The following RIMS1 variants were observed in gnomAD, a reference collection of about 807,000 sequenced individuals.
RIMS1 encodes the protein regulating synaptic membrane exocytosis 1, also known as regulating synaptic membrane exocytosis protein 1.
A neutral mutation model predicts 214.1 loss-of-function variants in RIMS1; 83 were observed. The observed-to-expected ratio is 0.39, with a 90% CI of 0.32 to 0.47. The LOEUF (loss-of-function observed/expected upper bound fraction) is 0.47, where lower values mean the gene tolerates loss of function less well. Among genes scored for constraint, RIMS1 ranks in the 20% least tolerant of loss-of-function variants. The pLI is 0.99. For synonymous variants in RIMS1, 793 were observed against 786.8 expected, an observed-to-expected ratio of 1.01 and a Z score of -0.13; for missense variants, 2,050 against 2,161.8, an observed-to-expected ratio of 0.95 and a Z score of 1.03.
At chr6:72,354,861 C>T (rs1315432012) in intron 29 of RIMS1, among the ~76,000 whole-genome samples, 5 of 152,012 alleles carry the variant, frequency 3.3e-5, no homozygotes, top group African/African-American at 1.2e-4. Flanking sequence ...TGAGGTCTGC[C>T]CTGTTGCTAC....
At chr6:72,139,646 T>G (rs2041842589) in intron 4 of RIMS1, among the ~76,000 whole-genome samples, 2 of 152,210 alleles carry the variant, frequency 1.3e-5, no homozygotes, top group African/African-American at 2.4e-5. Context: ...GTTATGTGGA[T>G]GGACTAAATT....
intron 2 of RIMS1, among the ~76,000 whole-genome samples, chr6:71,976,108 A>G (rs893444946): frequency 6.6e-6 from 1 of 152,046 alleles, no homozygotes; most frequent in Non-Finnish European, 1.5e-5. Context: ...TGGTAACTGT[A>G]TGTTTAACTT....
intron 1 of RIMS1, among the ~76,000 whole-genome samples, chr6:71,903,948 T>C (rs1046721862): frequency 2.0e-5 from 3 of 152,214 alleles, no homozygotes; most frequent in Non-Finnish European, 4.4e-5. Context: ...ATATGCAGTC[T>C]TCATAAATTG....
intron 13 of RIMS1, 120 bp downstream of exon 13, chr6:72,250,580 A>C (rs777297424): frequency 1.5e-5 from 10 of 678,480 alleles, no homozygotes; most frequent in Non-Finnish European, 2.3e-5. Flanking sequence ...ATAAAAGTAC[A>C]TTATCTCTGA....
At chr6:72,229,387 A>C (rs1468107944) in intron 6 of RIMS1, among the ~76,000 whole-genome samples, 8 of 151,912 alleles carry the variant, frequency 5.3e-5, no homozygotes, top group African/African-American at 1.9e-4. Flanking sequence ...GTACACATAG[A>C]TTTATTTATA....
intron 23 of RIMS1, among the ~76,000 whole-genome samples, chr6:72,281,199 TCTAA>T (rs1228064487): frequency 1.1e-4 from 16 of 152,256 alleles, no homozygotes; most frequent in Admixed American, 1.0e-3. Flanking sequence ...CAAAGTGTTC[TCTAA>T]CTCTCAATTT....
intron 4 of RIMS1, among the ~76,000 whole-genome samples, chr6:72,136,987 T>A (rs1469513983): frequency 6.6e-6 from 1 of 152,036 alleles, no homozygotes; most frequent in East Asian, 1.9e-4. Flanking sequence ...TAGTCTTGGA[T>A]GTTTTAGTTA....
intron 26 of RIMS1, among the ~76,000 whole-genome samples, chr6:72,305,247 T>C (rs985579455): frequency 2.6e-5 from 4 of 152,070 alleles, no homozygotes; most frequent in Non-Finnish European, 5.9e-5. Context: ...CCAGTAGCTA[T>C]TGGGATATAA....
chr6:71,901,042 A>C (rs1773451222), intron 1 of RIMS1, among the ~76,000 whole-genome samples: 1 of 152,158 alleles, frequency 6.6e-6, no homozygotes, highest in Non-Finnish European at 1.5e-5. Context: ...CAAAGGGAAG[A>C]GAGTATTTTG....
intron 2 of RIMS1, among the ~76,000 whole-genome samples, chr6:72,016,680 C>G (rs1006068749): frequency 6.6e-6 from 1 of 152,026 alleles, no homozygotes; most frequent in African/African-American, 2.4e-5. Flanking sequence ...TTTTTGAAGG[C>G]CCTTATTTTT....
chr6:72,253,193 C>T (rs2074250151), intron 16 of RIMS1, among the ~76,000 whole-genome samples: 1 of 151,958 alleles, frequency 6.6e-6, no homozygotes, highest in Non-Finnish European at 1.5e-5. Context: ...TATGATTTTC[C>T]TTCCACCATT....
intron 1 of RIMS1, among the ~76,000 whole-genome samples, chr6:71,897,800 T>A (rs1029395940): frequency 4.6e-5 from 7 of 151,954 alleles, no homozygotes; most frequent in African/African-American, 1.4e-4. Flanking sequence ...GCCCATTTTT[T>A]AAAATTGTAT....
At chr6:72,111,454 TAAG>T (rs545946275) in intron 4 of RIMS1, among the ~76,000 whole-genome samples, 15 of 152,288 alleles carry the variant, frequency 9.8e-5, no homozygotes, top group Admixed American at 2.6e-4. Flanking sequence ...CATAACCCCT[TAAG>T]AATATGAATT....
chr6:72,185,721 G>A lies in RIMS1; in HGVS notation c.1678+2572G>A, dbSNP rs1184393404. 2.0e-5 allele frequency among the ~76,000 whole-genome samples: 3 copies of A among 152,186 alleles called. No homozygotes were observed. The South Asian group carries it at 6.2e-4, about 32-fold the overall frequency. ...GTGGAAAAAGGATTGGTACCATACAGAAACCAATTTTTAGAGAAACAAAAA... is the reference window on the plus strand; with the variant it reads ...GTGGAAAAAGGATTGGTACCATACAAAAACCAATTTTTAGAGAAACAAAAA... On this transcript the variant is annotated intron_variant, in intron 6 of 33. Transcript: ENST00000521978.
At chr6:71,919,797 T>C (rs1779477007) in intron 1 of RIMS1, among the ~76,000 whole-genome samples, 1 of 152,074 alleles carries the variant, frequency 6.6e-6, no homozygotes. Flanking sequence ...TTTTAAAGAA[T>C]GAAAGGCTGT....
chr6:72,216,266 A>C (rs2154022445), intron 6 of RIMS1, among the ~76,000 whole-genome samples: 1 of 152,350 alleles, frequency 6.6e-6, no homozygotes, highest in South Asian at 2.1e-4. Context: ...CAGTGAGAAA[A>C]AAAAAATCTA....
intron 6 of RIMS1, among the ~76,000 whole-genome samples, chr6:72,189,123 C>T (rs1011217238): frequency 2.6e-5 from 4 of 152,186 alleles, no homozygotes; most frequent in African/African-American, 9.7e-5. Context: ...ACTTCCACTT[C>T]TACCTTTTGA....
In RIMS1 at chr6:72,268,269, G is replaced by C. The variant is rs567437791; in HGVS notation, c.3398+2220G>C. ...CTAAAGCCCCTAGACAGTATGCGGA[G>C]AGTATGAGAAGGGAGGCTTAGAGGG... On this transcript the variant is annotated intron_variant, in intron 22 of 33. Coordinates refer to ENST00000521978, the MANE Select transcript of RIMS1 (RefSeq NM_014989.7). Among the ~76,000 whole-genome samples the C allele has an allele frequency of 1.2e-4, 18 of 152,224 alleles. No individual in the cohort carries two copies. In the South Asian group the frequency reaches 1.2e-3, roughly 11 times the overall value.
chr6:71,989,200 A>G (rs752929806), intron 2 of RIMS1, among the ~76,000 whole-genome samples: 48 of 152,228 alleles, frequency 3.2e-4, no homozygotes, highest in Non-Finnish European at 5.6e-4. Context: ...CAATAAGCAT[A>G]TATTACTTTC....
Sources: allele counts gnomAD v4.1 joint callset (sites outside exome capture counted in the v4.1 genomes callset), GRCh38; gene constraint gnomAD v4.1.1; transcripts MANE v1.5; gene names NCBI Gene and HGNC (gene_info 2026-07-23, HGNC 2026-07-21).